The following KCNN2 variants were observed in gnomAD, a reference collection of about 807,000 sequenced individuals.
KCNN2 encodes small conductance calcium-activated potassium channel protein 2.
Under a neutral mutation model 55.5 loss-of-function variants are expected in KCNN2, and 24 were observed. That is an observed-to-expected ratio of 0.43 (90% CI 0.31 to 0.61). The LOEUF (loss-of-function observed/expected upper bound fraction) is 0.61, where lower values mean the gene tolerates loss of function less well. Ranked by LOEUF, KCNN2 falls within the 20% of genes least tolerant of loss-of-function variation. The probability of loss-of-function intolerance (pLI) is 0.08; values close to 1 mark genes in which losing one functional copy is unlikely to be tolerated. For synonymous variants in KCNN2, 431 were observed against 336.1 expected (o/e 1.28, Z -3.09); for missense variants, 754 against 853.6 (o/e 0.88, Z 1.45).
intron 3 of KCNN2, among the ~76,000 whole-genome samples, chr5:114,442,251 T>C (rs937215792): frequency 1.3e-5 from 2 of 150,554 alleles, no homozygotes; most frequent in East Asian, 2.0e-4. Context: ...TATATACATA[T>C]ATATATATAA....
chr5:114,067,202 A>G (rs534068979), intron 1 of KCNN2, among the ~76,000 whole-genome samples: 1 of 152,248 alleles, frequency 6.6e-6, no homozygotes, highest in Admixed American at 6.5e-5. Context: ...CCAGAGCAAT[A>G]TTGTTCCTAG....
At chr5:114,099,521 A>T (rs570299622) in intron 1 of KCNN2, among the ~76,000 whole-genome samples, 12 of 152,232 alleles carry the variant, frequency 7.9e-5, no homozygotes, top group Non-Finnish European at 2.9e-5. Context: ...GGTGGAATGC[A>T]TTGCTTATTC....
rs189804048 is a variant in KCNN2, at chr5:114,276,538, G to A, written c.-185+54973G>A. Among the ~76,000 whole-genome samples the A allele has an allele frequency of 8.5e-5, 13 of 152,176 alleles. No homozygotes were observed. In the East Asian group the frequency reaches 2.1e-3, roughly 25 times the overall value. On this transcript the variant is annotated intron_variant, in intron 2 of 10. Transcript: ENST00000512097. ...CTGTATTGGGTGCATATATATTTAG[G>A]ATAGTTAGCTCTTTTTGTTGAATTG...
intron 2 of KCNN2, among the ~76,000 whole-genome samples, chr5:114,400,853 A>G (rs1361759609): frequency 6.6e-6 from 1 of 152,092 alleles, no homozygotes; most frequent in Non-Finnish European, 1.5e-5. Context: ...CCTGATGACC[A>G]CATCTACTGT....
chr5:114,421,801 G>C (rs1056980765), intron 3 of KCNN2, among the ~76,000 whole-genome samples: 4 of 151,102 alleles, frequency 2.6e-5, no homozygotes, highest in African/African-American at 9.7e-5. Flanking sequence ...GTAGAGACAG[G>C]GTTTCACCAT....
At chr5:114,214,714 A>T (rs998137801) in intron 1 of KCNN2, among the ~76,000 whole-genome samples, 1 of 152,108 alleles carries the variant, frequency 6.6e-6, no homozygotes, top group Non-Finnish European at 1.5e-5. Flanking sequence ...ATGAAAATGG[A>T]TTAATGGGAC....
chr5:114,478,382 G>A (rs1020819805), intron 5 of KCNN2, among the ~76,000 whole-genome samples: 10 of 152,054 alleles, frequency 6.6e-5, no homozygotes, highest in African/African-American at 1.7e-4. Flanking sequence ...CAAAACCTCC[G>A]AGAATATGGG....
intron 1 of KCNN2, among the ~76,000 whole-genome samples, chr5:114,085,962 T>C (rs1751007736): frequency 6.6e-6 from 1 of 152,258 alleles, no homozygotes; most frequent in Admixed American, 6.6e-5. Flanking sequence ...AATGGACTCT[T>C]TTTTCAGCAT....
chr5:114,079,249 A>G (rs1462163531), intron 1 of KCNN2, among the ~76,000 whole-genome samples: 1 of 152,254 alleles, frequency 6.6e-6, no homozygotes, highest in East Asian at 1.9e-4. Flanking sequence ...ACAATCTAGC[A>G]GAATTTTGAA....
At chr5:114,305,746 G>A (rs1756256525) in intron 2 of KCNN2, among the ~76,000 whole-genome samples, 1 of 152,156 alleles carries the variant, frequency 6.6e-6, no homozygotes, top group South Asian at 2.1e-4. Context: ...AGCACAACTG[G>A]ACCAGGAAGA....
At chr5:114,426,721 A>G (rs1580820677) in intron 3 of KCNN2, among the ~76,000 whole-genome samples, 1 of 152,206 alleles carries the variant, frequency 6.6e-6, no homozygotes, top group East Asian at 1.9e-4. Context: ...ATGAAGAATA[A>G]CAGCCAAATG....
chr5:114,449,923 T>C (rs7446340), intron 3 of KCNN2, among the ~76,000 whole-genome samples: 4,091 of 140,150 alleles, frequency 0.029, 77 homozygotes, highest in African/African-American at 0.05. Context: ...CGCGCTCGCG[T>C]GCGCGCACTC....
chr5:114,240,225 A>T (rs1342436188), intron 2 of KCNN2, among the ~76,000 whole-genome samples: 2 of 152,030 alleles, frequency 1.3e-5, no homozygotes, highest in African/African-American at 4.8e-5. Flanking sequence ...TATAAAATGT[A>T]TTATACCAAA....
intron 7 of KCNN2, 102 bp downstream of exon 7, chr5:114,493,574 A>G: frequency 2.5e-6 from 2 of 795,072 alleles, no homozygotes; most frequent in Non-Finnish European, 4.4e-6. Context: ...CCCAAATCTA[A>G]TTAATAAATC....
chr5:114,081,573 A>G (rs1010738737), intron 1 of KCNN2, among the ~76,000 whole-genome samples: 4 of 152,230 alleles, frequency 2.6e-5, no homozygotes, highest in African/African-American at 9.6e-5. Context: ...TTGTATATCC[A>G]TATGCAAAAG....
intron 2 of KCNN2, among the ~76,000 whole-genome samples, chr5:114,382,710 A>G (rs1272587532): frequency 1.3e-5 from 2 of 152,108 alleles, no homozygotes; most frequent in South Asian, 2.1e-4. Flanking sequence ...CCATTTTCCC[A>G]TTTGTGCCAC....
intron 2 of KCNN2, among the ~76,000 whole-genome samples, chr5:114,347,178 C>T (rs1031683880): frequency 6.6e-6 from 1 of 152,140 alleles, no homozygotes; most frequent in Non-Finnish European, 1.5e-5. Context: ...ATAATTGCTA[C>T]AGAAAATAAT....
intron 1 of KCNN2, among the ~76,000 whole-genome samples, chr5:114,078,712 A>G (rs1176634045): frequency 6.6e-6 from 1 of 152,064 alleles, no homozygotes; most frequent in Non-Finnish European, 1.5e-5. Flanking sequence ...ATATTTGGAG[A>G]CTGGTTTTGT....
upstream of KCNN2, among the ~76,000 whole-genome samples, chr5:114,359,970 A>T (rs1757372477): frequency 6.6e-6 from 1 of 152,214 alleles, no homozygotes; most frequent in Admixed American, 6.5e-5. Context: ...AGCTGCCCCG[A>T]AGACTCAATT....
Sources: gnomAD v4.1 joint callset for allele counts (sites outside exome capture counted in the v4.1 genomes callset) on GRCh38, gnomAD v4.1.1 for gene constraint, MANE v1.5 for transcripts, NCBI Gene and HGNC (gene_info 2026-07-23, HGNC 2026-07-21) for gene names.